PACSIN1: variants seen among roughly 807,000 people sequenced by gnomAD.
PACSIN1 encodes protein kinase C and casein kinase substrate in neurons protein 1.
A neutral mutation model predicts 59.5 loss-of-function variants in PACSIN1; 15 were observed. The ratio of observed to expected loss-of-function variants is 0.25; its 90% CI spans 0.17 to 0.39. The LOEUF is 0.39. Among genes scored for constraint, PACSIN1 ranks in the 10% least tolerant of loss-of-function variants. The probability of loss-of-function intolerance (pLI) is 1.00; values close to 1 mark genes in which losing one functional copy is unlikely to be tolerated. For missense variants in PACSIN1, 420 were observed against 580.2 expected (o/e 0.72, Z 2.84); for synonymous variants, 210 against 220.6 (o/e 0.95, Z 0.42).
chr6:34,487,931 A>T (rs529287064), intron 1 of PACSIN1, among the ~76,000 whole-genome samples: 1 of 152,262 alleles, frequency 6.6e-6, no homozygotes, highest in East Asian at 1.9e-4. Context: ...AGCCCTTATA[A>T]TAATTCATCC....
chr6:34,526,415 G>T, intron 2 of PACSIN1, 47 bp downstream of exon 2: 1 of 1,508,676 alleles, frequency 6.6e-7, no homozygotes. Context: ...CAGCCTGGCT[G>T]TTTGGAGGCC....
chr6:34,489,055 C>G (rs1766833861), intron 1 of PACSIN1, among the ~76,000 whole-genome samples: 1 of 151,818 alleles, frequency 6.6e-6, no homozygotes, highest in South Asian at 2.1e-4. Context: ...GCGGCATGCC[C>G]CTGTAGTTCC....
intron 2 of PACSIN1, 70 bp from the exon 3 acceptor site, chr6:34,527,262 G>C: frequency 7.1e-7 from 1 of 1,414,922 alleles, no homozygotes; most frequent in Non-Finnish European, 9.3e-7. Flanking sequence ...GCGTGGCCGT[G>C]CTGGATGCGG....
In PACSIN1 at chr6:34,514,762, AT is replaced by A. The variant is rs2127265894; in HGVS notation, c.-63-11479del. 1 of 152,634 alleles carries A rather than the reference AT, an allele frequency of 6.6e-6. No homozygotes were observed. Among genetic ancestry groups the A allele is most frequent in the Non-Finnish European group, 1.5e-5 (1 of 68,180 alleles). The allele number at this position is 152,634 out of a possible 1,614,324, so 9.5% of individuals were successfully genotyped here. On this transcript the variant is annotated intron_variant, in intron 1 of 9. Transcript: ENST00000244458. The surrounding 1 kb of genome is among the most constrained non-coding windows in gnomAD (Gnocchi z 4.4). ...GGGAGGGAGGCTGTCTGTGCAGAGC[AT>A]TGCCCAGTTGCCATAGAAACGAGCA...
At chr6:34,484,929 T>C (rs1581961220) in intron 1 of PACSIN1, 1 of 150,590 alleles carries the variant, frequency 6.6e-6, no homozygotes, top group African/African-American at 2.4e-5. Flanking sequence ...AAAGTGGGGG[T>C]CAGGATCATG....
At chr6:34,494,593 C>G (rs1258294667) in intron 1 of PACSIN1, among the ~76,000 whole-genome samples, 1 of 151,184 alleles carries the variant, frequency 6.6e-6, no homozygotes, top group African/African-American at 2.5e-5. Flanking sequence ...CAGTTGTGCA[C>G]CCCCCATGCC....
At chr6:34,527,561 C>T in intron 3 of PACSIN1, 73 bp downstream of exon 3, 1 of 1,377,532 alleles carries the variant, frequency 7.3e-7, no homozygotes, top group Non-Finnish European at 9.7e-7. Context: ...CCTAGGAGCC[C>T]CGGCTACTTG....
Position 34,516,380 on chromosome 6 carries a change from C to G in PACSIN1, c.-63-9863C>G, listed in dbSNP as rs1767291897. ...ATCAAGGGCCTAGGAGGGAGAAGGG[C>G]AGGTCTCGGGGATGGCAGAAACGGG... On this transcript the variant is annotated intron_variant, in intron 1 of 9. Coordinates refer to ENST00000244458, the MANE Select transcript of PACSIN1 (RefSeq NM_020804.5). The surrounding 1 kb of genome is among the most constrained non-coding windows in gnomAD (Gnocchi z 5.4). Among the ~76,000 whole-genome samples the G allele has an allele frequency of 6.6e-6, 1 of 152,206 alleles. No individual in the cohort carries two copies. Among genetic ancestry groups the G allele is most frequent in the African/African-American group, 2.4e-5 (1 of 41,454 alleles).
chr6:34,481,881 C>T (rs868542295), intron 1 of PACSIN1, among the ~76,000 whole-genome samples: 14 of 152,002 alleles, frequency 9.2e-5, no homozygotes, highest in African/African-American at 2.7e-4. Context: ...GTTGGGTAAC[C>T]GCTATCTAAT....
At chr6:34,483,944 C>T (rs558017894) in intron 1 of PACSIN1, among the ~76,000 whole-genome samples, 10 of 152,226 alleles carry the variant, frequency 6.6e-5, no homozygotes, top group African/African-American at 2.4e-4. Flanking sequence ...CCACCGCGCT[C>T]AGCCCCTTCA....
At chr6:34,517,846 A>G (rs751106043) in intron 1 of PACSIN1, among the ~76,000 whole-genome samples, 2 of 152,146 alleles carry the variant, frequency 1.3e-5, no homozygotes, top group Non-Finnish European at 2.9e-5. Flanking sequence ...CCTCTCTAGA[A>G]TGTCAGCCCC....
chr6:34,528,915 G>GGGGGGGCCCGGGGGGGGGGGGGGGGGGC, intron 4 of PACSIN1, 38 bp downstream of exon 4: 1 of 653,170 alleles, frequency 1.5e-6, no homozygotes, highest in Non-Finnish European at 2.7e-6. Context: ...GGTGGGGTGG[G>GGGGGGGCCCGGGGGGGGGGGGGGGGGGC]CCCGTCTGAT....
chr6:34,467,899 T>C (rs561541994), intron 1 of PACSIN1, among the ~76,000 whole-genome samples: 78 of 152,280 alleles, frequency 5.1e-4, no homozygotes, highest in Middle Eastern at 3.4e-3. Flanking sequence ...GCTATGCCTT[T>C]TGGAGATAGT....
intron 1 of PACSIN1, among the ~76,000 whole-genome samples, chr6:34,472,249 G>A (rs901042128): frequency 1.1e-4 from 15 of 139,470 alleles, no homozygotes; most frequent in Admixed American, 3.7e-4. Flanking sequence ...TCCAGCCTGG[G>A]AGACAGAGCC....
intron 1 of PACSIN1, among the ~76,000 whole-genome samples, chr6:34,498,721 G>A (rs4713800): frequency 0.35 from 52,284 of 150,472 alleles, 10,832 homozygotes; most frequent in Middle Eastern, 0.52. Flanking sequence ...ACCTGAGCCC[G>A]GGAAGGTCAT....
intron 1 of PACSIN1, among the ~76,000 whole-genome samples, chr6:34,490,226 C>CTT (rs56754772): frequency 0.01 from 1,049 of 102,710 alleles, 42 homozygotes; most frequent in East Asian, 0.024. Flanking sequence ...AATTTAAAAA[C>CTT]TTTTTTTTTT....
rs924166415 is a variant in PACSIN1, at chr6:34,495,181, A to C, written c.-64+28911A>C. ...CTAGCTGAGTGCGCTTATTTATACTAAGGTGTGAATGACTCACATCTCTTC... is the reference window on the plus strand; with the variant it reads ...CTAGCTGAGTGCGCTTATTTATACTCAGGTGTGAATGACTCACATCTCTTC... On this transcript the variant is annotated intron_variant, in intron 1 of 9. Transcript: ENST00000244458. Among the ~76,000 whole-genome samples, 8 of 152,244 alleles carry C rather than the reference A, an allele frequency of 5.3e-5. No individual in the cohort carries two copies. The South Asian group carries it at 1.2e-3, about 24-fold the overall frequency.
intron 1 of PACSIN1, among the ~76,000 whole-genome samples, chr6:34,469,870 C>T (rs997017822): frequency 6.6e-6 from 1 of 152,208 alleles, no homozygotes; most frequent in African/African-American, 2.4e-5. Context: ...GGAGACAGGA[C>T]CTCTAATGCC....
rs1451071718 is a variant in PACSIN1 at position 34,521,061 on chromosome 6, C to A, written c.-63-5182C>A. Among the ~76,000 whole-genome samples the A allele has an allele frequency of 1.3e-5, 2 of 152,230 alleles. No individual in the cohort carries two copies. The highest frequency in any genetic ancestry group is 2.9e-5 in the Non-Finnish European group (2 of 68,046). ...TCAACAAAAGTGCACTGCGCACTTA[C>A]TATGTTGCCGGCACTGCACTGGATG... On this transcript the variant is annotated intron_variant, in intron 1 of 9. Transcript: ENST00000244458. The surrounding 1 kb of genome is among the most constrained non-coding windows in gnomAD (Gnocchi z 4.3).
Sources: gnomAD v4.1 joint callset for allele counts (sites outside exome capture counted in the v4.1 genomes callset) on GRCh38, gnomAD v4.1.1 for gene constraint, Gnocchi (gnomAD v3.1) non-coding constraint, MANE v1.5 for transcripts, NCBI Gene and HGNC (gene_info 2026-07-23, HGNC 2026-07-21) for gene names.